SEL1L: variants seen among roughly 807,000 people sequenced by gnomAD.
SEL1L encodes the protein protein sel-1 homolog 1.
A neutral mutation model predicts 109.8 loss-of-function variants in SEL1L; 52 were observed. The ratio of observed to expected loss-of-function variants is 0.47; its 90% CI spans 0.38 to 0.60. SEL1L has a LOEUF of 0.60. Ranked by LOEUF, SEL1L falls within the 20% of genes least tolerant of loss-of-function variation. The pLI, the probability that SEL1L is intolerant of heterozygous loss-of-function variation, is 0.00. For synonymous variants in SEL1L, 373 were observed against 339.6 expected (o/e 1.10, Z -1.08); for missense variants, 749 against 962.2 (o/e 0.78, Z 2.93).
chr14:81,491,267 T>C (rs979427968), intron 12 of SEL1L, among the ~76,000 whole-genome samples: 5 of 152,208 alleles, frequency 3.3e-5, no homozygotes, highest in Admixed American at 2.6e-4. Context: ...AAAGGTTTAC[T>C]TGAAGAGGGT....
At chr14:81,518,715 G>A (rs1044457419) in intron 3 of SEL1L, among the ~76,000 whole-genome samples, 1 of 149,894 alleles carries the variant, frequency 6.7e-6, no homozygotes, top group African/African-American at 2.5e-5. Flanking sequence ...ACTTAGGGAG[G>A]AAGCCTATTG....
intron 3 of SEL1L, among the ~76,000 whole-genome samples, chr14:81,524,910 A>AT (rs1354395257): frequency 6.6e-6 from 1 of 152,102 alleles, no homozygotes; most frequent in African/African-American, 2.4e-5. Flanking sequence ...GGAGAACAGC[A>AT]ACAGATTAAG....
intron 15 of SEL1L, 66 bp from the exon 16 acceptor site, chr14:81,487,604 T>C: frequency 1.3e-6 from 2 of 1,555,664 alleles, no homozygotes; most frequent in Non-Finnish European, 1.7e-6. Context: ...CAGAGAAGGC[T>C]TATATATGAA....
chr14:81,498,750 G>A, intron 8 of SEL1L: 1 of 299,264 alleles, frequency 3.3e-6, no homozygotes. Flanking sequence ...CTTTATTTTT[G>A]AAGTGTGTGC....
intron 18 of SEL1L, 89 bp from the exon 19 acceptor site, chr14:81,484,486 C>A: frequency 1.6e-6 from 2 of 1,217,318 alleles, no homozygotes; most frequent in African/African-American, 1.5e-5. Flanking sequence ...GACATGCTTA[C>A]ATAAAACAAA....
chr14:81,523,425 A>C (rs779487129), intron 3 of SEL1L, among the ~76,000 whole-genome samples: 1 of 152,060 alleles, frequency 6.6e-6, no homozygotes, highest in Non-Finnish European at 1.5e-5. Context: ...TGGGCATGGA[A>C]GCTCTGCAGT....
At chr14:81,532,042 T>C (rs911533626) in intron 1 of SEL1L, among the ~76,000 whole-genome samples, 1 of 152,202 alleles carries the variant, frequency 6.6e-6, no homozygotes, top group Non-Finnish European at 1.5e-5. Context: ...AACCCAAGGA[T>C]TTAATATATC....
chr14:81,492,870 T>G (rs1173046201), intron 11 of SEL1L, among the ~76,000 whole-genome samples: 1 of 152,174 alleles, frequency 6.6e-6, no homozygotes, highest in Non-Finnish European at 1.5e-5. Flanking sequence ...TTAAAAGACA[T>G]TTAAGAGCAG....
At chr14:81,488,347 A>G (rs1883402839) in intron 14 of SEL1L, among the ~76,000 whole-genome samples, 2 of 152,218 alleles carry the variant, frequency 1.3e-5, no homozygotes, top group African/African-American at 4.8e-5. Context: ...CACTATGACT[A>G]TTATACTTCA....
chr14:81,531,206 T>C (rs758405895), intron 1 of SEL1L, among the ~76,000 whole-genome samples: 1 of 152,236 alleles, frequency 6.6e-6, no homozygotes, highest in Non-Finnish European at 1.5e-5. Context: ...TTCAGCTCCA[T>C]TATATTCTTA....
At chr14:81,499,698 G>A (rs1391239661) in intron 6 of SEL1L, 36 bp from the exon 7 acceptor site, 3 of 1,559,642 alleles carry the variant, frequency 1.9e-6, no homozygotes, top group East Asian at 4.5e-5. Context: ...ATCTTGCTTT[G>A]GTGAAGGTTT....
intron 16 of SEL1L, 47 bp downstream of exon 16, chr14:81,487,343 C>G: frequency 6.6e-7 from 1 of 1,510,930 alleles, no homozygotes; most frequent in Non-Finnish European, 8.8e-7. Context: ...GACTTTCCTG[C>G]TGGGCAAATC....
At position 81,502,840 on chromosome 14, in the gene SEL1L, TG is replaced by T; in HGVS notation, c.657del (p.Ala221ProfsTer29). 6.2e-7 allele frequency: 1 copy of T among 1,613,990 alleles called. No individual in the cohort carries two copies. Among genetic ancestry groups the T allele is most frequent in the Non-Finnish European group, 8.5e-7 (1 of 1,179,894 alleles). ...YLQKAASMNH[T>X]KALERVSYAL... ...GCATATGACACTCTCTCCAGGGCTT[TG>T]GTATGGTTCATGCTTGCTGCCTTTT... On this transcript the variant is annotated frameshift_variant, in exon 6 of 21. Transcript: ENST00000336735. LOFTEE classifies it high-confidence loss of function.
rs1220471129 is a variant in SEL1L, at chr14:81,527,689, T to C, written c.108+12A>G. The C allele has an allele frequency of 3.1e-6, 5 of 1,594,168 alleles. No homozygotes were observed. In the South Asian group the frequency reaches 3.4e-5, roughly 11 times the overall value. On this transcript the variant is annotated intron_variant, in intron 2 of 20. Coordinates refer to ENST00000336735, the MANE Select transcript of SEL1L (RefSeq NM_005065.6). ...GCAGCAAATACTGGCCAATACACAT[T>C]TTAGTACATACCTTGGAATCTAAGG...
intron 19 of SEL1L, among the ~76,000 whole-genome samples, chr14:81,481,399 T>A (rs1903352018): frequency 6.6e-6 from 1 of 152,204 alleles, no homozygotes; most frequent in Admixed American, 6.5e-5. Flanking sequence ...GTGTCATTAT[T>A]TAAAAAGAAG....
At chr14:81,518,189 G>A (rs568409024) in intron 3 of SEL1L, among the ~76,000 whole-genome samples, 19 of 151,508 alleles carry the variant, frequency 1.3e-4, no homozygotes, top group South Asian at 8.4e-4. Context: ...CACTGCGCCC[G>A]GCTTGGGACG....
In SEL1L at chr14:81,499,506, A is replaced by G; in HGVS notation, c.844T>C (p.Tyr282His). 5.0e-6 allele frequency: 8 copies of G among 1,612,432 alleles called. No individual in the cohort carries two copies. The highest frequency in any genetic ancestry group is 6.8e-6 in the Non-Finnish European group (8 of 1,179,528). Reference protein sequence around the residue: ...NSSQAKALVYYTFGALGGNLI... With the variant: ...NSSQAKALVYHTFGALGGNLI... ...TTGCCCCCAAGAGCTCCAAATGTAT[A>G]ATATACAAGAGCCTGTGAAAGAACA... The change falls in exon 8 of 21, where the codon TAT becomes CAT. Residue 282 changes from tyrosine (Y) to histidine (H), a missense_variant. By Grantham distance (83) the Tyr-to-His change is moderately conservative. Around this residue, in one of 2 missense-constraint regions of SEL1L, gnomAD observed 366 missense variants for 399.8 expected, o/e 0.92. Coordinates refer to ENST00000336735, the MANE Select transcript of SEL1L (RefSeq NM_005065.6).
chr14:81,495,251 A>C (rs1883695337), intron 10 of SEL1L, 114 bp from the exon 11 acceptor site: 2 of 888,448 alleles, frequency 2.3e-6, no homozygotes, highest in East Asian at 2.5e-5. Flanking sequence ...TGACTCAAAA[A>C]ACAAAAAGAT....
chr14:81,526,914 T>C lies in SEL1L; in HGVS notation c.159A>G (p.Arg53=), dbSNP rs1885135658. The part of the protein sequence containing the change: ...ESVKDHTTAG[R]VVAGQIFLDS... ...CAAGAAATATTTGACCAGCAACTAC[T>C]CTGCCTGCAGTAGTATGGTCCTTTA... is the stretch of plus-strand genomic sequence containing the variant. The change falls in exon 3 of 21, where the codon AGA becomes AGG. Residue 53 remains arginine (R), a synonymous_variant. Coordinates refer to ENST00000336735, the MANE Select transcript of SEL1L (RefSeq NM_005065.6). 1.2e-6 allele frequency: 2 copies of C among 1,602,928 alleles called. No individual in the cohort carries two copies.
Sources: allele counts gnomAD v4.1 joint callset (sites outside exome capture counted in the v4.1 genomes callset), GRCh38; gene constraint gnomAD v4.1.1; regional missense constraint gnomAD v4.1.1; transcripts MANE v1.5; gene names NCBI Gene and HGNC (gene_info 2026-07-23, HGNC 2026-07-21).